KHDRBS2: variants seen among roughly 807,000 people sequenced by gnomAD.
KHDRBS2 encodes the protein KH RNA binding domain containing, signal transduction associated 2, also known as KH domain-containing, RNA-binding, signal transduction-associated protein 2.
KHDRBS2 carries 26 observed loss-of-function variants against 44.3 expected under a neutral mutation model. The observed-to-expected ratio is 0.59, with a 90% CI of 0.43 to 0.81. The LOEUF (loss-of-function observed/expected upper bound fraction) is 0.81, where lower values mean the gene tolerates loss of function less well. Among genes scored for constraint, KHDRBS2 ranks in the 40% least tolerant of loss-of-function variants. KHDRBS2 has a pLI of 0.00. For synonymous variants in KHDRBS2, 194 were observed against 151.1 expected (o/e 1.28, Z -2.08); for missense variants, 476 against 433.1 (o/e 1.10, Z -0.88).
chr6:61,573,404 C>A, the KHDRBS2 span, among the ~76,000 whole-genome samples: 4 of 152,020 alleles, frequency 2.6e-5, no homozygotes, highest in East Asian at 5.8e-4. Flanking sequence ...AAAAGCAATA[C>A]ACAGATTCAC....
downstream of KHDRBS2, among the ~76,000 whole-genome samples, chr6:61,679,229 T>C (rs569423963): frequency 4.9e-4 from 75 of 152,008 alleles, no homozygotes; most frequent in African/African-American, 1.8e-3. Context: ...TTCACTTTCT[T>C]TTTTTCCATC....
intron 2 of KHDRBS2, among the ~76,000 whole-genome samples, chr6:62,161,674 A>G (rs1311000220): frequency 2.0e-5 from 3 of 148,070 alleles, no homozygotes; most frequent in Non-Finnish European, 4.4e-5. Flanking sequence ...CTTGTTTTCT[A>G]CATGTTTTAT....
intron 6 of KHDRBS2, chr6:61,816,726 A>G: frequency 2.5e-6 from 1 of 392,802 alleles, no homozygotes; most frequent in South Asian, 1.8e-5. Flanking sequence ...AAATCTACTA[A>G]AATGTAGAAT....
At chr6:61,717,495 A>G (rs1334764945) in intron 7 of KHDRBS2, among the ~76,000 whole-genome samples, 3 of 152,110 alleles carry the variant, frequency 2.0e-5, no homozygotes, top group Non-Finnish European at 4.4e-5. Flanking sequence ...AACTGTGGGA[A>G]AGTAATTAAA....
chr6:61,718,256 G>A (rs1320493141), intron 7 of KHDRBS2, among the ~76,000 whole-genome samples: 1 of 152,024 alleles, frequency 6.6e-6, no homozygotes. Flanking sequence ...GTTTGTGCGA[G>A]GGGTTTGAGA....
chr6:61,800,300 G>C (rs567794691), intron 6 of KHDRBS2, among the ~76,000 whole-genome samples: 13 of 152,186 alleles, frequency 8.5e-5, no homozygotes, highest in African/African-American at 2.9e-4. Flanking sequence ...TGTTAGAATA[G>C]AAAGTCAGGT....
At chr6:61,675,891 G>A (rs956394243), downstream of KHDRBS2, among the ~76,000 whole-genome samples, 16 of 151,712 alleles carry the variant, frequency 1.1e-4, no homozygotes, top group Admixed American at 6.6e-4. Flanking sequence ...AATATACATA[G>A]ACCACGCATA....
intron 2 of KHDRBS2, among the ~76,000 whole-genome samples, chr6:62,069,451 T>A (rs948582889): frequency 1.1e-4 from 16 of 151,734 alleles, no homozygotes; most frequent in African/African-American, 3.9e-4. Flanking sequence ...ATCAAGTTAT[T>A]ATTTTTTTCT....
At chr6:62,036,435 C>T (rs565690508) in intron 3 of KHDRBS2, among the ~76,000 whole-genome samples, 8 of 151,932 alleles carry the variant, frequency 5.3e-5, no homozygotes, top group African/African-American at 1.7e-4. Flanking sequence ...AACTACTTAT[C>T]GGACACTATG....
chr6:61,714,297 C>T (rs1358500685), intron 7 of KHDRBS2, among the ~76,000 whole-genome samples: 1 of 151,740 alleles, frequency 6.6e-6, no homozygotes, highest in African/African-American at 2.4e-5. Flanking sequence ...CCAACATCAA[C>T]ATTACCAATC....
the KHDRBS2 span, among the ~76,000 whole-genome samples, chr6:61,560,876 T>C: frequency 1.3e-5 from 2 of 152,314 alleles, no homozygotes; most frequent in Non-Finnish European, 1.5e-5. Context: ...TGCTAGTACA[T>C]GTTCTTCAGT....
chr6:62,105,789 C>A (rs1721860459), intron 2 of KHDRBS2, among the ~76,000 whole-genome samples: 1 of 151,362 alleles, frequency 6.6e-6, no homozygotes, highest in South Asian at 2.1e-4. Context: ...CAGTTCTGCT[C>A]TGATTTTAGT....
rs745471094 is a variant in KHDRBS2 at position 61,894,773 on chromosome 6, C to G, written c.672G>C (p.Arg224=). 3 of 1,613,264 alleles carry G rather than the reference C, an allele frequency of 1.9e-6. No individual in the cohort carries two copies. Among genetic ancestry groups the G allele is most frequent in the Non-Finnish European group, 2.5e-6 (3 of 1,179,740 alleles). Residue 224 remains arginine, a synonymous_variant, in exon 6 of 9, where the codon CGG becomes CGC. Transcript: ENST00000281156. ...PPPGRGVLTP[R]GSTVTRGALP... ...GCGCTCCACGGGTTACAGTGCTTCC[C>G]CGAGGGGTGAGAACACCTCGTCCAG...
chr6:61,956,923 T>TCATCATCATCAG (rs1767489950), intron 4 of KHDRBS2, among the ~76,000 whole-genome samples: 1 of 151,382 alleles, frequency 6.6e-6, no homozygotes, highest in Non-Finnish European at 1.5e-5. Flanking sequence ...ATCATCATCA[T>TCATCATCATCAG]CATCATCATC....
intron 4 of KHDRBS2, among the ~76,000 whole-genome samples, chr6:61,920,793 T>C (rs1173130781): frequency 6.6e-6 from 1 of 151,828 alleles, no homozygotes; most frequent in Non-Finnish European, 1.5e-5. Flanking sequence ...TGGTATGAAA[T>C]GAAGGTCTAA....
chr6:61,658,729 A>G, the KHDRBS2 span, among the ~76,000 whole-genome samples: 1 of 151,956 alleles, frequency 6.6e-6, no homozygotes, highest in Admixed American at 6.6e-5. Flanking sequence ...ATTACACTAT[A>G]AAATTTGGCA....
At chr6:61,617,937 T>C in the KHDRBS2 span, among the ~76,000 whole-genome samples, 3 of 152,202 alleles carry the variant, frequency 2.0e-5, no homozygotes, top group African/African-American at 7.2e-5. Flanking sequence ...TTTCCCTAAA[T>C]TGCTATTTTT....
chr6:62,093,857 T>TGTGG, intron 2 of KHDRBS2, among the ~76,000 whole-genome samples: 1 of 10,224 alleles, frequency 9.8e-5, no homozygotes, highest in Non-Finnish European at 1.5e-4. Flanking sequence ...TCCATTGTTT[T>TGTGG]GTGTGTGTGT....
intron 4 of KHDRBS2, among the ~76,000 whole-genome samples, chr6:61,907,062 G>C (rs1223221342): frequency 6.6e-6 from 1 of 152,004 alleles, no homozygotes; most frequent in Non-Finnish European, 1.5e-5. Flanking sequence ...CCAATTCCTT[G>C]CCAGCATTGC....
Sources: allele counts gnomAD v4.1 joint callset (sites outside exome capture counted in the v4.1 genomes callset), GRCh38; gene constraint gnomAD v4.1.1; transcripts MANE v1.5; gene names NCBI Gene and HGNC (gene_info 2026-07-23, HGNC 2026-07-21).